Variants in GPR26 observed in about 807,000 individuals in gnomAD.
GPR26 encodes G protein-coupled receptor 26.
A neutral mutation model predicts 23.1 loss-of-function variants in GPR26; 15 were observed. That is an observed-to-expected ratio of 0.65 (90% CI 0.43 to 1.00). The LOEUF (loss-of-function observed/expected upper bound fraction) is 1.00. GPR26 is among the 50% of genes least tolerant of loss of function. The probability of loss-of-function intolerance (pLI) is 0.00; values close to 1 mark genes in which losing one functional copy is unlikely to be tolerated. For synonymous variants in GPR26, 228 were observed against 222.1 expected (o/e 1.03, Z -0.24); for missense variants, 359 against 470.5 (o/e 0.76, Z 2.19).
rs928792073 is a variant in GPR26 at position 123,695,016 on chromosome 10, G to A, written c.*6856G>A. ...CTGCCACATACCCCCAGGACAAACGGAAAAATCCACACAGCAGAAACAAGC... is the reference window on the plus strand; with the variant it reads ...CTGCCACATACCCCCAGGACAAACGAAAAAATCCACACAGCAGAAACAAGC... On this transcript the variant is annotated 3_prime_UTR_variant, in exon 3 of 3. Coordinates refer to ENST00000284674, the MANE Select transcript of GPR26 (RefSeq NM_153442.4). Among the ~76,000 whole-genome samples the A allele has an allele frequency of 9.8e-5, 15 of 152,296 alleles. No individual in the cohort carries two copies. The highest frequency in any genetic ancestry group is 3.4e-3 in the Middle Eastern group (1 of 294).
rs865850627 is a variant in GPR26, at chr10:123,684,489, C to A, written c.783-3440C>A. Among the ~76,000 whole-genome samples the A allele has an allele frequency of 1.6e-4, 24 of 152,278 alleles. No homozygotes were observed. In the Middle Eastern group the frequency reaches 0.014, roughly 86 times the overall value. ...CCGTAACAGAGTACCGCAAACCGAG[C>A]GGCTCTAACACAGAAAGACCTCTCA... On this transcript the variant is annotated intron_variant, in intron 2 of 2. Coordinates refer to ENST00000284674, the MANE Select transcript of GPR26 (RefSeq NM_153442.4).
intron 2 of GPR26, among the ~76,000 whole-genome samples, chr10:123,686,856 C>T (rs1845435411): frequency 6.6e-6 from 1 of 152,174 alleles, no homozygotes; most frequent in African/African-American, 2.4e-5. Flanking sequence ...CCTCTCTGGG[C>T]CTCAATTTTT....
At chr10:123,680,172 C>T (rs1395519721) in intron 2 of GPR26, among the ~76,000 whole-genome samples, 1 of 152,202 alleles carries the variant, frequency 6.6e-6, no homozygotes, top group Non-Finnish European at 1.5e-5. Context: ...AGGTGTGAAC[C>T]CTGTTCCGAG....
At chr10:123,675,597 T>A (rs74665472) in intron 2 of GPR26, among the ~76,000 whole-genome samples, 3,715 of 152,224 alleles carry the variant, frequency 0.024, 60 homozygotes, top group Middle Eastern at 0.054. Context: ...ACTCCCCACA[T>A]GTGTTAGCCA....
intron 2 of GPR26, among the ~76,000 whole-genome samples, chr10:123,684,082 C>CG (rs1554864562): frequency 6.6e-6 from 1 of 152,132 alleles, no homozygotes; most frequent in Admixed American, 6.5e-5. Flanking sequence ...GGGGATTTTC[C>CG]GGGGGGAGCT....
In GPR26 at chr10:123,666,414, T is replaced by C; in HGVS notation, c.7T>C (p.Ser3Pro). The C allele has an allele frequency of 6.7e-7, 1 of 1,495,744 alleles. No individual in the cohort carries two copies. The highest frequency in any genetic ancestry group is 8.8e-7 in the Non-Finnish European group (1 of 1,132,694). 92.7% of individuals were successfully genotyped at this position (1,495,744 alleles called of 1,614,324 possible). Residue 3 changes from serine to proline, a missense_variant, in exon 1 of 3, where the codon TCG becomes CCG. By Grantham distance (74) the Ser-to-Pro change is moderately conservative. Coordinates refer to ENST00000284674, the MANE Select transcript of GPR26 (RefSeq NM_153442.4). MN[S>P]WDAGLAGLLV... ...CCGGCGCGGGGCGCGCACCATGAAC[T>C]CGTGGGACGCGGGCCTGGCGGGGCT...
rs1395759969 is a variant in GPR26 at position 123,695,635 on chromosome 10, A to G, written c.*7475A>G. 6.6e-6 allele frequency among the ~76,000 whole-genome samples: 1 copy of G among 152,208 alleles called. No individual in the cohort carries two copies. Among genetic ancestry groups the G allele is most frequent in the African/African-American group, 2.4e-5 (1 of 41,454 alleles). On this transcript the variant is annotated 3_prime_UTR_variant, in exon 3 of 3. Coordinates refer to ENST00000284674, the MANE Select transcript of GPR26 (RefSeq NM_153442.4). Reference sequence around the variant, plus strand: ...TGGTCAGTTTCCTAAGGACCAGACCATAGTGACTGCTCATGCATCGGCTGA... The same window carrying G: ...TGGTCAGTTTCCTAAGGACCAGACCGTAGTGACTGCTCATGCATCGGCTGA...
At chr10:123,667,273 G>GAGC (rs1845198162) in intron 1 of GPR26, among the ~76,000 whole-genome samples, 198 bp downstream of exon 1, 1 of 152,200 alleles carries the variant, frequency 6.6e-6, no homozygotes, top group South Asian at 2.1e-4. Context: ...AAATGCGGGT[G>GAGC]AGCCCATCTA....
At chr10:123,684,150 T>C (rs993656767) in intron 2 of GPR26, among the ~76,000 whole-genome samples, 1 of 152,178 alleles carries the variant, frequency 6.6e-6, no homozygotes, top group Non-Finnish European at 1.5e-5. Flanking sequence ...TTCCCCCGAA[T>C]GGAGCCTCAT....
chr10:123,679,022 C>G (rs918424259), intron 2 of GPR26, among the ~76,000 whole-genome samples: 14 of 152,220 alleles, frequency 9.2e-5, no homozygotes, highest in Admixed American at 9.2e-4. Context: ...CTCTGGAATC[C>G]GGATCACTGA....
chr10:123,666,833 C>G lies in GPR26; in HGVS notation c.426C>G (p.Leu142=), dbSNP rs766994005. 2.2e-5 allele frequency: 35 copies of G among 1,610,010 alleles called. No individual in the cohort carries two copies. In the Middle Eastern group the frequency reaches 5.0e-4, roughly 23 times the overall value. The change falls in exon 1 of 3, where the codon CTC becomes CTG. Residue 142 remains leucine (L), a synonymous_variant. Coordinates refer to ENST00000284674, the MANE Select transcript of GPR26 (RefSeq NM_153442.4). ...LHALTFPAAA[L]ALSWLGFHQL... ...CGCTCACCTTCCCAGCCGCCGCGCT[C>G]GCCCTGTCCTGGCTCGGCTTCCACC...
rs376283015 is a variant in GPR26, at chr10:123,685,489, G to A, written c.783-2440G>A. Among the ~76,000 whole-genome samples the A allele has an allele frequency of 4.4e-3, 667 of 152,312 alleles. 5 individuals carry two copies. The highest frequency in any genetic ancestry group is 0.015 in the African/African-American group (636 of 41,578). Reference sequence around the variant, plus strand: ...CAGCCAGCCACAGCCGGGCCTGGAGGGGGCATCCCAGCTACCCCCCGCCAG... The same window carrying A: ...CAGCCAGCCACAGCCGGGCCTGGAGAGGGCATCCCAGCTACCCCCCGCCAG... On this transcript the variant is annotated intron_variant, in intron 2 of 2. Coordinates refer to ENST00000284674, the MANE Select transcript of GPR26 (RefSeq NM_153442.4).
chr10:123,694,971 A>G lies in GPR26; in HGVS notation c.*6811A>G, dbSNP rs1845526461. On this transcript the variant is annotated 3_prime_UTR_variant, in exon 3 of 3. Coordinates refer to ENST00000284674, the MANE Select transcript of GPR26 (RefSeq NM_153442.4). ...AGGGAGTGCCACACATTTAATATCA[A>G]TGCAGGGTCCTGATGGGCACTGCCA... Among the ~76,000 whole-genome samples, 1 of 152,204 alleles carries G rather than the reference A, an allele frequency of 6.6e-6. No individual in the cohort carries two copies. The highest frequency in any genetic ancestry group is 2.4e-5 in the African/African-American group (1 of 41,452).
rs1490113362 is a variant in GPR26 at position 123,690,821 on chromosome 10, GTTAAT to G, written c.*2670_*2674del. On this transcript the variant is annotated 3_prime_UTR_variant, in exon 3 of 3. Transcript: ENST00000284674. ...CCAATTGAATTATCTACCTCATTTT[GTTAAT>G]TTAATTTATCAAAGGTAACATTGTT... 6.6e-6 allele frequency: 1 copy of G among 152,060 alleles called. No homozygotes were observed. Among genetic ancestry groups the G allele is most frequent in the African/African-American group, 2.4e-5 (1 of 41,404 alleles). 9.4% of individuals were successfully genotyped at this position (152,060 alleles called of 1,614,324 possible).
chr10:123,691,581 C>A lies in GPR26; in HGVS notation c.*3421C>A, dbSNP rs150624933. ...GCATTGTTAGAATTTAGCCCAGATG[C>A]AGGATAAACTAGCTTGCCTGAGTTT... is the stretch of plus-strand genomic sequence containing the variant. On this transcript the variant is annotated 3_prime_UTR_variant, in exon 3 of 3. Transcript: ENST00000284674. 6.6e-6 allele frequency: 1 copy of A among 152,238 alleles called. No individual in the cohort carries two copies. Among genetic ancestry groups the A allele is most frequent in the Non-Finnish European group, 1.5e-5 (1 of 68,022 alleles). 9.4% of individuals were successfully genotyped at this position (152,238 alleles called of 1,614,324 possible).
chr10:123,667,056 CTGG>C lies in GPR26; in HGVS notation c.653_655del (p.Val218del). On this transcript the variant is annotated inframe_deletion, in exon 1 of 3. Coordinates refer to ENST00000284674, the MANE Select transcript of GPR26 (RefSeq NM_153442.4). The stretch of plus-strand genomic sequence containing the variant: ...GATCACCATGCAGACGCTGGTGCTG[CTGG>C]TGGACCTGCACCCCAGGTGAGCCGA... The C allele has an allele frequency of 6.3e-7, 1 of 1,594,264 alleles. No homozygotes were observed. The highest frequency in any genetic ancestry group is 8.5e-7 in the Non-Finnish European group (1 of 1,170,544).
intron 1 of GPR26, among the ~76,000 whole-genome samples, chr10:123,667,918 C>G (rs1845206254): frequency 6.6e-6 from 1 of 152,200 alleles, no homozygotes; most frequent in South Asian, 2.1e-4. Flanking sequence ...GAGCTCACCT[C>G]AGCTTTCCCC....
Position 123,694,979 on chromosome 10 carries a change from T to A in GPR26, c.*6819T>A, listed in dbSNP as rs989577708. 1.3e-5 allele frequency among the ~76,000 whole-genome samples: 2 copies of A among 151,806 alleles called. No homozygotes were observed. Among genetic ancestry groups the A allele is most frequent in the African/African-American group, 2.4e-5 (1 of 41,288 alleles). On this transcript the variant is annotated 3_prime_UTR_variant, in exon 3 of 3. Transcript: ENST00000284674. ...CCACACATTTAATATCAATGCAGGG[T>A]CCTGATGGGCACTGCCACATACCCC...
rs1344233407 is a variant in GPR26, at chr10:123,691,326, C to T, written c.*3166C>T. ...ATGGATTTGAACCATCTCAGACCAA[C>T]TCTATCTCTTCTAGCACTCAGCTCA... On this transcript the variant is annotated 3_prime_UTR_variant, in exon 3 of 3. Transcript: ENST00000284674. 1 of 152,224 alleles carries T rather than the reference C, an allele frequency of 6.6e-6. No individual in the cohort carries two copies. Among genetic ancestry groups the T allele is most frequent in the African/African-American group, 2.4e-5 (1 of 41,450 alleles). The allele number at this position is 152,224 out of a possible 1,614,324, so 9.4% of individuals were successfully genotyped here. A position where few individuals can be genotyped will look rare whatever the true frequency, so the allele number is the denominator to read the frequency against.
Sources: allele counts gnomAD v4.1 joint callset (sites outside exome capture counted in the v4.1 genomes callset), GRCh38; gene constraint gnomAD v4.1.1; transcripts MANE v1.5; gene names NCBI Gene and HGNC (gene_info 2026-07-23, HGNC 2026-07-21).